RHOQ: variants seen among roughly 807,000 people sequenced by gnomAD.
RHOQ encodes the protein ras homolog family member Q.
In RHOQ, 7 loss-of-function variants were observed where a neutral mutation model predicts 25.8. The observed-to-expected ratio is 0.27, with a 90% CI of 0.15 to 0.51. The LOEUF is 0.51. Ranked by LOEUF, RHOQ falls within the 20% of genes least tolerant of loss-of-function variation. The probability of loss-of-function intolerance (pLI) is 0.97; values close to 1 mark genes in which losing one functional copy is unlikely to be tolerated. For synonymous variants in RHOQ, 97 were observed against 98.6 expected (o/e 0.98, Z 0.10); for missense variants, 165 against 260.6 (o/e 0.63, Z 2.53).
intron 2 of RHOQ, among the ~76,000 whole-genome samples, chr2:46,565,755 C>T (rs954936067): frequency 2.5e-4 from 38 of 152,202 alleles, no homozygotes; most frequent in African/African-American, 6.0e-4. Context: ...ATTGATTCAG[C>T]GGGAATGTAA....
At chr2:46,547,562 AG>A (rs1668111355) in intron 2 of RHOQ, among the ~76,000 whole-genome samples, 1 of 152,242 alleles carries the variant, frequency 6.6e-6, no homozygotes, top group Admixed American at 6.5e-5. Context: ...CTGTTGGCCA[AG>A]CCCATGGGTG....
intron 2 of RHOQ, among the ~76,000 whole-genome samples, chr2:46,546,422 A>G (rs1197981702): frequency 1.4e-5 from 2 of 139,716 alleles, no homozygotes; most frequent in African/African-American, 5.2e-5. Context: ...GGGTTTATAT[A>G]TATATATATG....
chr2:46,563,456 G>C (rs1285817753), intron 2 of RHOQ, among the ~76,000 whole-genome samples: 1 of 152,198 alleles, frequency 6.6e-6, no homozygotes, highest in Non-Finnish European at 1.5e-5. Flanking sequence ...TTTGTTTTGT[G>C]ATAGGCCGGG....
At chr2:46,543,611 G>A in intron 1 of RHOQ, 143 bp from the exon 2 acceptor site, 1 of 707,960 alleles carries the variant, frequency 1.4e-6, no homozygotes, top group South Asian at 1.7e-5. Context: ...CTGGCCGCAC[G>A]GGAAAAGGGG....
chr2:46,546,451 C>CATATATATATATATATATATGTGTGT (rs1668047241), intron 2 of RHOQ, among the ~76,000 whole-genome samples: 1 of 47,128 alleles, frequency 2.1e-5, no homozygotes, highest in Non-Finnish European at 4.3e-5. Context: ...TACACATATA[C>CATATATATATATATATATATGTGTGT]ATATATATAT....
At chr2:46,563,740 G>A (rs1011099431) in intron 2 of RHOQ, among the ~76,000 whole-genome samples, 3 of 152,016 alleles carry the variant, frequency 2.0e-5, no homozygotes, top group South Asian at 4.2e-4. Context: ...GCATACACAC[G>A]CATGTGTGTC....
chr2:46,575,443 AAT>A (rs1048410696), intron 2 of RHOQ, among the ~76,000 whole-genome samples: 6 of 147,010 alleles, frequency 4.1e-5, no homozygotes, highest in South Asian at 2.2e-4. Flanking sequence ...ACACACACAC[AAT>A]TAATAAAACT....
chr2:46,543,277 G>T lies in RHOQ; in HGVS notation c.142+89G>T, dbSNP rs1667894413. 2.0e-6 allele frequency: 3 copies of T among 1,471,784 alleles called. No individual in the cohort carries two copies. The East Asian group carries it at 7.0e-5, about 35-fold the overall frequency. The allele number at this position is 1,471,784 out of a possible 1,614,324, so 91.2% of individuals were successfully genotyped here. On this transcript the variant is annotated intron_variant, in intron 1 of 4. Transcript: ENST00000238738. ...GCGGAGCCCCCTCGCCGCCTCCCCA[G>T]AGCGCACTCCTCTCCCCTCCCCCGC...
At chr2:46,560,592 G>A (rs760153848) in intron 2 of RHOQ, 3 of 456,282 alleles carry the variant, frequency 6.6e-6, no homozygotes, top group South Asian at 4.6e-5. Flanking sequence ...GGGGTCACGT[G>A]ATCACGTTTT....
chr2:46,543,442 C>T (rs1227831944), intron 1 of RHOQ: 7 of 601,662 alleles, frequency 1.2e-5, no homozygotes, highest in Admixed American at 3.0e-5. Flanking sequence ...CGCCCTGGGC[C>T]GTCCTCCTTG....
rs201576841 is a variant in RHOQ at position 46,576,128 on chromosome 2, C to G, written c.243C>G (p.Thr81=). Residue 81 remains threonine, a synonymous_variant, in exon 3 of 5, where the codon ACC becomes ACG. Transcript: ENST00000238738. The surrounding 1 kb of genome is among the most constrained non-coding windows in gnomAD (Gnocchi z 5.1). ...TGAGGCCTTTATCTTACCCAATGAC[C>G]GATGTCTTCCTTATATGCTTCTCGG... ...DRLRPLSYPM[T]DVFLICFSVV... 4 of 1,612,038 alleles carry G rather than the reference C, an allele frequency of 2.5e-6. No homozygotes were observed. The Admixed American group carries it at 6.7e-5, about 27-fold the overall frequency.
rs147961612 is a variant in RHOQ at position 46,571,230 on chromosome 2, C to T, written c.202-4857C>T. The stretch of plus-strand genomic sequence containing the variant: ...TTCACATACATCTTATCTACCTTAC[C>T]ATGAACTTCCTAAGATCGAAAGCTG... On this transcript the variant is annotated intron_variant, in intron 2 of 4. Transcript: ENST00000238738. Among the ~76,000 whole-genome samples, 383 of 152,278 alleles carry T rather than the reference C, an allele frequency of 2.5e-3. 1 individual carries two copies. The highest frequency in any genetic ancestry group is 8.3e-3 in the African/African-American group (344 of 41,540).
chr2:46,573,789 TC>T (rs1173076262), intron 2 of RHOQ, among the ~76,000 whole-genome samples: 1 of 152,248 alleles, frequency 6.6e-6, no homozygotes, highest in Non-Finnish European at 1.5e-5. Context: ...AAGTAAAATT[TC>T]CATTAAAATC....
At chr2:46,570,160 G>T (rs563097207) in intron 2 of RHOQ, among the ~76,000 whole-genome samples, 1 of 152,166 alleles carries the variant, frequency 6.6e-6, no homozygotes, top group Admixed American at 6.5e-5. Context: ...GAGGTTTCAG[G>T]CCAGGCGTGG....
intron 2 of RHOQ, among the ~76,000 whole-genome samples, chr2:46,550,925 G>T (rs1461233569): frequency 6.6e-6 from 1 of 152,156 alleles, no homozygotes; most frequent in South Asian, 2.1e-4. Flanking sequence ...AACTGGGCAA[G>T]TTCATCGTGT....
rs140695421 is a variant in RHOQ at position 46,550,030 on chromosome 2, G to A, written c.201+6218G>A. Among the ~76,000 whole-genome samples, 244 of 152,082 alleles carry A rather than the reference G, an allele frequency of 1.6e-3. 1 individual carries two copies. In the East Asian group the frequency reaches 0.025, roughly 16 times the overall value. ...TCATTTGAGGTCAGGAGTTCAAGAC[G>A]AGCCTGGACAACACAACAAGACCCC... On this transcript the variant is annotated intron_variant, in intron 2 of 4. Transcript: ENST00000238738.
rs1669389138 is a variant in RHOQ, at chr2:46,581,789, A to G, written c.*706A>G. The stretch of plus-strand genomic sequence containing the variant: ...AGTTAATGTGCATTAAACTGTAACA[A>G]GGCTTCTGGCAATTGTAGATTTAGT... On this transcript the variant is annotated 3_prime_UTR_variant, in exon 5 of 5. Coordinates refer to ENST00000238738, the MANE Select transcript of RHOQ (RefSeq NM_012249.4). 6.1e-6 allele frequency: 4 copies of G among 660,178 alleles called. No individual in the cohort carries two copies. Among genetic ancestry groups the G allele is most frequent in the Admixed American group, 7.9e-5 (2 of 25,220 alleles). 40.9% of individuals were successfully genotyped at this position (660,178 alleles called of 1,614,324 possible).
intron 2 of RHOQ, among the ~76,000 whole-genome samples, chr2:46,544,239 A>G (rs986475566): frequency 1.3e-5 from 2 of 152,192 alleles, no homozygotes; most frequent in East Asian, 1.9e-4. Context: ...GGCATCATCT[A>G]ATATGATGGG....
At chr2:46,577,374 G>A (rs185638338) in intron 4 of RHOQ, among the ~76,000 whole-genome samples, 1 of 149,830 alleles carries the variant, frequency 6.7e-6, no homozygotes, top group Non-Finnish European at 1.5e-5. Context: ...GGACTTTTGT[G>A]GAAACAGAAT....
Sources: gnomAD v4.1 joint callset for allele counts (sites outside exome capture counted in the v4.1 genomes callset) on GRCh38, gnomAD v4.1.1 for gene constraint, Gnocchi (gnomAD v3.1) non-coding constraint, MANE v1.5 for transcripts, NCBI Gene and HGNC (gene_info 2026-07-23, HGNC 2026-07-21) for gene names.